The following ACSM3 variants were observed in gnomAD, a reference collection of about 807,000 sequenced individuals.
ACSM3 encodes acyl-CoA synthetase medium chain family member 3.
In ACSM3, 61 loss-of-function variants were observed where a neutral mutation model predicts 74.1. The observed-to-expected ratio is 0.82, with a 90% CI of 0.67 to 1.02. The LOEUF is 1.02. Ranked by LOEUF, ACSM3 falls within the 50% of genes least tolerant of loss-of-function variation. ACSM3 has a pLI of 0.00. For synonymous variants in ACSM3, 213 were observed against 241.5 expected (o/e 0.88, Z 1.09); for missense variants, 660 against 697.0 (o/e 0.95, Z 0.60).
At chr16:20,760,787 C>A (rs779177504), upstream of ACSM3, among the ~76,000 whole-genome samples, 1 of 152,184 alleles carries the variant, frequency 6.6e-6, no homozygotes. Context: ...TAGTTGATTT[C>A]ATTAATTCCT....
intron 12 of ACSM3, among the ~76,000 whole-genome samples, chr16:20,794,422 T>C (rs954758018): frequency 3.9e-5 from 6 of 152,206 alleles, no homozygotes; most frequent in Non-Finnish European, 8.8e-5. Flanking sequence ...TCCAATGCGA[T>C]AGCCATGCAT....
chr16:20,780,674 C>T (rs770394616), intron 4 of ACSM3, 40 bp from the exon 5 acceptor site: 1 of 1,614,170 alleles, frequency 6.2e-7, no homozygotes, highest in East Asian at 2.2e-5. Context: ...GTCTGTGATG[C>T]TGTGTTTAAC....
chr16:20,746,104 G>T (rs747021193), intron 1 of ACSM3, among the ~76,000 whole-genome samples: 87 of 152,172 alleles, frequency 5.7e-4, no homozygotes, highest in Non-Finnish European at 7.6e-4. Context: ...CCAAGCCAAG[G>T]TTTAGATTCC....
At chr16:20,677,490 A>G (rs1280571761) in intron 1 of ACSM3, among the ~76,000 whole-genome samples, 3 of 152,196 alleles carry the variant, frequency 2.0e-5, no homozygotes, top group Non-Finnish European at 2.9e-5. Flanking sequence ...AGAGACTGTG[A>G]ATACCCTAAA....
intron 1 of ACSM3, chr16:20,728,343 G>A (rs2079813933): frequency 5.4e-6 from 6 of 1,102,690 alleles, no homozygotes; most frequent in African/African-American, 3.3e-5. Context: ...CTTTCATTTT[G>A]TGAAAAGAAA....
intron 1 of ACSM3, among the ~76,000 whole-genome samples, chr16:20,699,230 T>C (rs79412006): frequency 6.9e-4 from 105 of 152,294 alleles, no homozygotes; most frequent in Middle Eastern, 3.4e-3. Flanking sequence ...GGAGGGTTGA[T>C]AGTGATATTG....
At chr16:20,781,253 C>A in intron 6 of ACSM3, 123 bp downstream of exon 6, 1 of 1,245,388 alleles carries the variant, frequency 8.0e-7, no homozygotes, top group Non-Finnish European at 1.1e-6. Flanking sequence ...TATGTCACAT[C>A]CAGAAAGTCA....
chr16:20,744,262 G>C (rs918794870), intron 1 of ACSM3, among the ~76,000 whole-genome samples: 1 of 152,210 alleles, frequency 6.6e-6, no homozygotes, highest in African/African-American at 2.4e-5. Context: ...CATACATAGT[G>C]AACTATAACC....
chr16:20,741,509 C>G, intron 1 of ACSM3: 1 of 1,483,794 alleles, frequency 6.7e-7, no homozygotes, highest in Non-Finnish European at 8.9e-7. Context: ...GGACCGGTAC[C>G]TTTTCTGGCC....
intron 1 of ACSM3, chr16:20,741,900 C>G (rs1490499433): frequency 6.5e-7 from 1 of 1,534,494 alleles, no homozygotes; most frequent in Non-Finnish European, 8.7e-7. Flanking sequence ...GGCCGGTCTG[C>G]AATCGTGAAA....
intron 1 of ACSM3, chr16:20,741,480 G>GGGGGGGGGGGGGGGC: frequency 7.5e-7 from 1 of 1,340,418 alleles, no homozygotes; most frequent in Non-Finnish European, 9.7e-7. Flanking sequence ...CCTGGCAGCC[G>GGGGGGGGGGGGGGGC]GCCCGCCCGC....
At chr16:20,709,387 T>C (rs976825921) in intron 1 of ACSM3, among the ~76,000 whole-genome samples, 1 of 152,264 alleles carries the variant, frequency 6.6e-6, no homozygotes, top group Admixed American at 6.5e-5. Flanking sequence ...GGTTAGATTA[T>C]GTTTTCTGAC....
At chr16:20,717,956 GGAAGAAGAAGAAGAAGAAGAA>G (rs746227909) in intron 1 of ACSM3, among the ~76,000 whole-genome samples, 2,652 of 74,384 alleles carry the variant, frequency 0.036, 45 homozygotes, top group African/African-American at 0.061. Flanking sequence ...AAGAGGAAGA[GGAAGAAGAAGAAGAAGAAGAA>G]GAAGAAGAAG....
At chr16:20,705,454 G>T (rs745673179) in intron 1 of ACSM3, among the ~76,000 whole-genome samples, 16 of 151,480 alleles carry the variant, frequency 1.1e-4, no homozygotes, top group Non-Finnish European at 2.1e-4. Context: ...TACCTTTGAA[G>T]AAATAAATGG....
chr16:20,714,712 T>C (rs76232966), intron 1 of ACSM3, among the ~76,000 whole-genome samples: 4,468 of 151,854 alleles, frequency 0.029, 230 homozygotes, highest in African/African-American at 0.1. Context: ...AGAGAGACAG[T>C]CGATGTTAGG....
rs748661203 is a variant in ACSM3 at position 20,685,316 on chromosome 16, G to A, written c.-190+10494G>A. ...AAGACGTTGGCTACACGGCGGGTTA[G>A]GTCTCCCATCTCTCTGAAGCTCCAC... On this transcript the variant is annotated intron_variant, in intron 1 of 3. Coordinates refer to the ACSM3 transcript ENST00000561584. The A allele has an allele frequency of 2.5e-6, 4 of 1,614,156 alleles. No individual in the cohort carries two copies. The East Asian group carries it at 8.9e-5, about 36-fold the overall frequency.
chr16:20,691,271 G>A, intron 1 of ACSM3: 1 of 1,210,228 alleles, frequency 8.3e-7, no homozygotes, highest in Non-Finnish European at 1.1e-6. Flanking sequence ...GATTGGCTGT[G>A]TATCCAAAAC....
chr16:20,739,708 C>T (rs2079901019), intron 1 of ACSM3, among the ~76,000 whole-genome samples: 1 of 151,716 alleles, frequency 6.6e-6, no homozygotes, highest in Non-Finnish European at 1.5e-5. Flanking sequence ...GTAATCCCAG[C>T]TACTCAGGAG....
At chr16:20,717,956 G>GGAAGAGGAAGAAGAAGAAGAAGAAGAA (rs1190590436) in intron 1 of ACSM3, among the ~76,000 whole-genome samples, 1 of 74,452 alleles carries the variant, frequency 1.3e-5, no homozygotes, top group Non-Finnish European at 2.8e-5. Context: ...AAGAGGAAGA[G>GGAAGAGGAAGAAGAAGAAGAAGAAGAA]GAAGAAGAAG....
Sources: allele counts gnomAD v4.1 joint callset (sites outside exome capture counted in the v4.1 genomes callset), GRCh38; gene constraint gnomAD v4.1.1; transcripts MANE v1.5; gene names NCBI Gene and HGNC (gene_info 2026-07-23, HGNC 2026-07-21).